The following ADCK1 variants were observed in gnomAD, a reference collection of about 807,000 sequenced individuals.
ADCK1 encodes aarF domain containing kinase 1, also known as aarF domain-containing protein kinase 1.
In ADCK1, 41 loss-of-function variants were observed where a neutral mutation model predicts 52.3. The ratio of observed to expected loss-of-function variants is 0.78; its 90% CI spans 0.61 to 1.02. ADCK1 has a LOEUF of 1.02. Among genes scored for constraint, ADCK1 ranks in the 50% least tolerant of loss-of-function variants. The pLI is 0.00. For missense variants in ADCK1, 658 were observed against 679.5 expected, an observed-to-expected ratio of 0.97 and a Z score of 0.35; for synonymous variants, 250 against 274.6, an observed-to-expected ratio of 0.91 and a Z score of 0.89.
At chr14:77,885,874 C>T (rs1234911950) in intron 4 of ADCK1, among the ~76,000 whole-genome samples, 1 of 152,122 alleles carries the variant, frequency 6.6e-6, no homozygotes, top group Non-Finnish European at 1.5e-5. Flanking sequence ...CCTTTAGGGG[C>T]CTCTTTCCTA....
At position 77,934,140 on chromosome 14, in the gene ADCK1, GAGTTCACCTAC is replaced by G. The variant is rs2084403720; in HGVS notation, c.*751_*761del. On this transcript the variant is annotated 3_prime_UTR_variant, in exon 11 of 11. Transcript: ENST00000238561. ...TGGTGGGATTTTCCTTATAGGTTGG[GAGTTCACCTAC>G]AATGCCCATTAGGTCAGAGTGGACC... 2 of 152,164 alleles carry G rather than the reference GAGTTCACCTAC, an allele frequency of 1.3e-5. No individual in the cohort carries two copies. The highest frequency in any genetic ancestry group is 4.2e-4 in the South Asian group (2 of 4,814). 9.4% of individuals were successfully genotyped at this position (152,164 alleles called of 1,614,324 possible).
chr14:77,906,412 G>A (rs987220409), intron 6 of ADCK1, among the ~76,000 whole-genome samples: 2 of 152,210 alleles, frequency 1.3e-5, no homozygotes, highest in Admixed American at 1.3e-4. Flanking sequence ...TCACATGGCA[G>A]CCTGGTTGCA....
chr14:77,802,686 C>T (rs2081136236), intron 1 of ADCK1, among the ~76,000 whole-genome samples: 2 of 152,142 alleles, frequency 1.3e-5, no homozygotes, highest in Admixed American at 6.5e-5. Flanking sequence ...CGCGGTGGCT[C>T]ACGCCTGTAA....
At chr14:77,809,088 G>A (rs751627814) in intron 1 of ADCK1, among the ~76,000 whole-genome samples, 1 of 152,168 alleles carries the variant, frequency 6.6e-6, no homozygotes, top group Non-Finnish European at 1.5e-5. Context: ...GGAGAAAAAG[G>A]CTGGAAAGGC....
At chr14:77,904,280 G>T (rs1006162592) in intron 6 of ADCK1, among the ~76,000 whole-genome samples, 26 of 152,210 alleles carry the variant, frequency 1.7e-4, no homozygotes, top group African/African-American at 6.3e-4. Context: ...TGGGGGCGGA[G>T]GTGGGGTTGT....
Position 77,829,263 on chromosome 14 carries a change from A to G in ADCK1, c.219+6745A>G, listed in dbSNP as rs1001277282. Among the ~76,000 whole-genome samples the G allele has an allele frequency of 9.4e-5, 14 of 149,718 alleles. 2 individuals carry two copies. Among genetic ancestry groups the G allele is most frequent in the Non-Finnish European group, 1.9e-4 (13 of 67,026 alleles). On this transcript the variant is annotated intron_variant, in intron 3 of 10. Coordinates refer to ENST00000238561, the MANE Select transcript of ADCK1 (RefSeq NM_020421.4). ...TGTGTGTACACTCACTCACACATAC[A>G]CACACTTCTGTCTTTCTACTAAAAA...
intron 1 of ADCK1, among the ~76,000 whole-genome samples, chr14:77,803,566 T>A (rs1227962144): frequency 2.0e-5 from 3 of 152,222 alleles, no homozygotes; most frequent in Admixed American, 2.0e-4. Context: ...CTGGGGTGTT[T>A]CCTGTGGTCC....
At position 77,862,195 on chromosome 14, in the gene ADCK1, G is replaced by A. The variant is rs528355120; in HGVS notation, c.423+2916G>A. On this transcript the variant is annotated intron_variant, in intron 4 of 10. Transcript: ENST00000238561. ...AAACTTACTTTTTTTCCTTTATTTG[G>A]TTGTTAGGCTTATATCCTGAAAGAC... Among the ~76,000 whole-genome samples, 7 of 152,266 alleles carry A rather than the reference G, an allele frequency of 4.6e-5. No homozygotes were observed. In the South Asian group the frequency reaches 1.5e-3, roughly 32 times the overall value.
rs2084118590 is a variant in ADCK1, at chr14:77,923,820, G to A, written c.859-637G>A. On this transcript the variant is annotated intron_variant, in intron 7 of 10. Coordinates refer to ENST00000238561, the MANE Select transcript of ADCK1 (RefSeq NM_020421.4). The surrounding 1 kb of genome is among the most constrained non-coding windows in gnomAD (Gnocchi z 4.3). ...GGATGATTTAAACGGCTTCTCTAGT[G>A]TCATTTCTTCTGTGCAGACATCATA... 6.6e-6 allele frequency: 1 copy of A among 152,252 alleles called. No individual in the cohort carries two copies. The highest frequency in any genetic ancestry group is 2.1e-4 in the South Asian group (1 of 4,822). The allele number at this position is 152,252 out of a possible 1,614,324, so 9.4% of individuals were successfully genotyped here.
In ADCK1 at chr14:77,931,680, A is replaced by G; in HGVS notation, c.1369A>G (p.Met457Val). 1.2e-6 allele frequency: 2 copies of G among 1,606,660 alleles called. No individual in the cohort carries two copies. The highest frequency in any genetic ancestry group is 8.5e-7 in the Non-Finnish European group (1 of 1,179,952). ...TRASASSFLN[M>V]SRCCIRALAE... ...CGCCAGCGCCAGCTCCTTTCTCAAC[A>G]TGTCACGTTGCTGCATCAGAGCGCT... The change falls in exon 10 of 11, where the codon ATG (methionine) becomes GTG (valine). Residue 457 changes from methionine to valine, a missense_variant. Coordinates refer to ENST00000238561, the MANE Select transcript of ADCK1 (RefSeq NM_020421.4).
Position 77,922,171 on chromosome 14 carries a change from G to A in ADCK1, c.859-2286G>A, listed in dbSNP as rs114409009. Among the ~76,000 whole-genome samples the A allele has an allele frequency of 4.9e-3, 744 of 152,310 alleles. 10 individuals carry two copies. Among genetic ancestry groups the A allele is most frequent in the African/African-American group, 0.017 (695 of 41,566 alleles). On this transcript the variant is annotated intron_variant, in intron 7 of 10. Transcript: ENST00000238561. ...CACAGAAGAGGTTATTGGTGGCATC[G>A]AGATGGGGACTGACTTGCTGGCCCA...
intron 3 of ADCK1, among the ~76,000 whole-genome samples, chr14:77,835,542 G>T (rs1323119101): frequency 6.6e-6 from 1 of 152,184 alleles, no homozygotes; most frequent in Non-Finnish European, 1.5e-5. Flanking sequence ...GCACCCAGGT[G>T]GTTCACAACC....
At chr14:77,871,276 G>A (rs1236522194) in intron 4 of ADCK1, among the ~76,000 whole-genome samples, 1 of 152,118 alleles carries the variant, frequency 6.6e-6, no homozygotes, top group Non-Finnish European at 1.5e-5. Flanking sequence ...TGGGCAGACT[G>A]GGAAATGGTG....
At chr14:77,929,098 A>C (rs886866874) in intron 9 of ADCK1, among the ~76,000 whole-genome samples, 2 of 152,168 alleles carry the variant, frequency 1.3e-5, no homozygotes, top group African/African-American at 4.8e-5. Context: ...ACCCAGATAG[A>C]TCATAAAGTT....
chr14:77,890,762 A>G (rs1458151102), intron 5 of ADCK1, among the ~76,000 whole-genome samples: 2 of 152,194 alleles, frequency 1.3e-5, no homozygotes, highest in Non-Finnish European at 2.9e-5. Flanking sequence ...GAGACTCAAG[A>G]AAGTGGAGAC....
chr14:77,840,933 GAGGA>G (rs1441339715), intron 3 of ADCK1, among the ~76,000 whole-genome samples: 2 of 98,682 alleles, frequency 2.0e-5, no homozygotes, highest in African/African-American at 8.0e-5. Context: ...GGGAGGGAGG[GAGGA>G]AGGAAGGAAG....
intron 3 of ADCK1, among the ~76,000 whole-genome samples, chr14:77,837,199 G>A (rs2081979928): frequency 6.7e-6 from 1 of 149,750 alleles, no homozygotes; most frequent in Admixed American, 6.7e-5. Flanking sequence ...GCCTAGGCTG[G>A]AGTAGAGTGG....
intron 4 of ADCK1, among the ~76,000 whole-genome samples, chr14:77,873,890 G>A (rs763305591): frequency 2.0e-5 from 3 of 152,242 alleles, no homozygotes; most frequent in African/African-American, 4.8e-5. Context: ...TATTAGCAGT[G>A]TGAGAACAGA....
At position 77,831,752 on chromosome 14, in the gene ADCK1, G is replaced by A. The variant is rs376932478; in HGVS notation, c.219+9234G>A. On this transcript the variant is annotated intron_variant, in intron 3 of 10. Coordinates refer to ENST00000238561, the MANE Select transcript of ADCK1 (RefSeq NM_020421.4). ...TTACAGGTGTGAGCCACAATGCCCA[G>A]CCTCCTGCAACCTTTAGAACCATGG... Among the ~76,000 whole-genome samples, 84 of 152,126 alleles carry A rather than the reference G, an allele frequency of 5.5e-4. No homozygotes were observed. In the South Asian group the frequency reaches 0.016, roughly 29 times the overall value.
Sources: gnomAD v4.1 joint callset for allele counts (sites outside exome capture counted in the v4.1 genomes callset) on GRCh38, gnomAD v4.1.1 for gene constraint, Gnocchi (gnomAD v3.1) non-coding constraint, MANE v1.5 for transcripts, NCBI Gene and HGNC (gene_info 2026-07-23, HGNC 2026-07-21) for gene names.